DNAAF9: variants seen among roughly 807,000 people sequenced by gnomAD.
DNAAF9 encodes the protein dynein axonemal assembly factor 9.
In DNAAF9, 90 loss-of-function variants were observed where a neutral mutation model predicts 167.0. That is an observed-to-expected ratio of 0.54 (90% CI 0.45 to 0.64). DNAAF9 has a LOEUF of 0.64. Ranked by LOEUF, DNAAF9 falls within the 30% of genes least tolerant of loss-of-function variation. DNAAF9 has a pLI of 0.00. For missense variants in DNAAF9, 1,315 were observed against 1,442.2 expected (o/e 0.91, Z 1.43); for synonymous variants, 491 against 508.8 (o/e 0.96, Z 0.47).
chr20:3,347,592 G>A (rs2070219717), intron 8 of DNAAF9, among the ~76,000 whole-genome samples: 3 of 152,292 alleles, frequency 2.0e-5, no homozygotes, highest in Admixed American at 1.3e-4. Context: ...GTAATTGATT[G>A]TTTAAGGAAA....
In DNAAF9 at chr20:3,381,448, G is replaced by C; in HGVS notation, c.214C>G (p.Leu72Val). 1 of 1,613,332 alleles carries C rather than the reference G, an allele frequency of 6.2e-7. No individual in the cohort carries two copies. The change falls in exon 3 of 37, where the codon CTA (leucine) becomes GTA (valine). Residue 72 changes from leucine to valine, a missense_variant. Around this residue, in one of 2 missense-constraint regions of DNAAF9, gnomAD observed 981 missense variants for 1,012.5 expected, o/e 0.97. Transcript: ENST00000252032. ...GTATTCTGATTGTACAAACCAAATA[G>C]AAGATAATTTGCCAGCTCTCTGCAG... The part of the protein sequence containing the change: ...EGCRELANYL[L>V]FGLYNQNTSD...
intron 1 of DNAAF9, among the ~76,000 whole-genome samples, chr20:3,389,463 T>G (rs2083796087): frequency 6.6e-6 from 1 of 152,080 alleles, no homozygotes; most frequent in Admixed American, 6.6e-5. Flanking sequence ...TTTAAAAATT[T>G]TTTTAGAAGT....
At chr20:3,382,772 C>T (rs1016552640) in intron 1 of DNAAF9, among the ~76,000 whole-genome samples, 2 of 151,222 alleles carry the variant, frequency 1.3e-5, no homozygotes, top group African/African-American at 4.8e-5. Context: ...AGGATGAAGC[C>T]AAAGTCCCTC....
At position 3,407,647 on chromosome 20, in the gene DNAAF9, C is replaced by T; in HGVS notation, c.-90G>A. 1.8e-6 allele frequency: 2 copies of T among 1,083,562 alleles called. No individual in the cohort carries two copies. Among genetic ancestry groups the T allele is most frequent in the African/African-American group, 1.8e-5 (1 of 55,208 alleles). The allele number at this position is 1,083,562 out of a possible 1,614,324, so 67.1% of individuals were successfully genotyped here. ...CGGCTCCACGCTAGCTGCGGCCGGG[C>T]GGGGCGGCAGGGCGTGCCGGGTGGG... is the stretch of plus-strand genomic sequence containing the variant. On this transcript the variant is annotated 5_prime_UTR_variant, in exon 1 of 37. Coordinates refer to ENST00000252032, the MANE Select transcript of DNAAF9 (RefSeq NM_001009984.3).
rs1283319139 is a variant in DNAAF9 at position 3,395,249 on chromosome 20, G to A, written c.83+12226C>T. 1.4e-5 allele frequency among the ~76,000 whole-genome samples: 2 copies of A among 138,580 alleles called. 1 individual carries two copies. Among genetic ancestry groups the A allele is most frequent in the Non-Finnish European group, 3.1e-5 (2 of 63,804 alleles). 90.9% of individuals were successfully genotyped at this position (138,580 alleles called of 152,430 possible). On this transcript the variant is annotated intron_variant, in intron 1 of 36. Coordinates refer to ENST00000252032, the MANE Select transcript of DNAAF9 (RefSeq NM_001009984.3). ...GCCTCCCAAAGTGCTGGGATTACAG[G>A]CGTGAGCCACCGCGCCTGGCCGAAC...
intron 21 of DNAAF9, 102 bp downstream of exon 21, chr20:3,304,338 T>C: frequency 1.4e-6 from 1 of 716,470 alleles, no homozygotes; most frequent in Non-Finnish European, 2.5e-6. Flanking sequence ...CCTGACATAC[T>C]GCCCTGTGGT....
chr20:3,349,025 T>C (rs1315855022), intron 7 of DNAAF9, among the ~76,000 whole-genome samples: 1 of 151,698 alleles, frequency 6.6e-6, no homozygotes, highest in Non-Finnish European at 1.5e-5. Flanking sequence ...AATGGATGAA[T>C]ATTATGGTAC....
chr20:3,302,812 G>A (rs1355912520), intron 21 of DNAAF9, among the ~76,000 whole-genome samples: 2 of 151,924 alleles, frequency 1.3e-5, no homozygotes, highest in African/African-American at 2.4e-5. Context: ...AAGGGCATGA[G>A]AAAACATTTT....
Position 3,381,420 on chromosome 20 carries a change from CTG to C in DNAAF9, c.240_241del (p.Ser81Ter). 1 of 1,612,322 alleles carries C rather than the reference CTG, an allele frequency of 6.2e-7. No individual in the cohort carries two copies. The highest frequency in any genetic ancestry group is 8.5e-7 in the Non-Finnish European group (1 of 1,178,452). On this transcript the variant is annotated frameshift_variant, in exon 3 of 37. Transcript: ENST00000252032. LOFTEE classifies it high-confidence loss of function. ...AGAAAATCCCGTTTTCTCAAAATCA[CTG>C]GTATTCTGATTGTACAAACCAAATA... is the stretch of plus-strand genomic sequence containing the variant.
intron 6 of DNAAF9, among the ~76,000 whole-genome samples, chr20:3,373,330 T>C (rs922812162): frequency 2.0e-5 from 3 of 152,222 alleles, no homozygotes; most frequent in Non-Finnish European, 2.9e-5. Flanking sequence ...GTCCCTGGTT[T>C]CCTGTACTGG....
intron 20 of DNAAF9, among the ~76,000 whole-genome samples, chr20:3,308,468 A>C (rs965496282): frequency 2.0e-4 from 30 of 149,592 alleles, no homozygotes; most frequent in Non-Finnish European, 4.0e-4. Context: ...TCAGCCTCCC[A>C]AGTAGCTGGG....
At chr20:3,259,434 C>T (rs2068339486) in intron 33 of DNAAF9, 46 bp downstream of exon 33, 1 of 1,178,142 alleles carries the variant, frequency 8.5e-7, no homozygotes, top group Non-Finnish European at 1.3e-6. Context: ...TCATGAGATG[C>T]AAGCACTCCA....
chr20:3,282,158 A>G (rs1051707171), intron 27 of DNAAF9, among the ~76,000 whole-genome samples: 3 of 152,162 alleles, frequency 2.0e-5, no homozygotes, highest in African/African-American at 7.2e-5. Context: ...ACTTCTCAGA[A>G]CACACAGGCA....
intron 6 of DNAAF9, chr20:3,362,034 T>A: frequency 6.8e-7 from 1 of 1,468,724 alleles, no homozygotes; most frequent in Non-Finnish European, 9.5e-7. Flanking sequence ...CACCACTCCA[T>A]TAGAACTATT....
rs532026937 is a variant in DNAAF9, at chr20:3,249,447, G to A, written c.*3125C>T. The A allele has an allele frequency of 2.0e-5, 3 of 152,352 alleles. No individual in the cohort carries two copies. In the South Asian group the frequency reaches 6.2e-4, roughly 32 times the overall value. 9.4% of individuals were successfully genotyped at this position (152,352 alleles called of 1,614,324 possible). A position where few individuals can be genotyped will look rare whatever the true frequency, so the allele number is the denominator to read the frequency against. On this transcript the variant is annotated 3_prime_UTR_variant, in exon 37 of 37. Coordinates refer to ENST00000252032, the MANE Select transcript of DNAAF9 (RefSeq NM_001009984.3). ...TTTTATATATTTACTGAATTAAGTA[G>A]TGTAATAAATACTATGATAAGCAAA...
At chr20:3,253,217 G>A (rs2068223059) in intron 36 of DNAAF9, among the ~76,000 whole-genome samples, 1 of 152,212 alleles carries the variant, frequency 6.6e-6, no homozygotes, top group Non-Finnish European at 1.5e-5. Flanking sequence ...TGAGGTGGGA[G>A]GATCACCTGA....
At chr20:3,264,934 T>C (rs115046685) in intron 30 of DNAAF9, among the ~76,000 whole-genome samples, 2,271 of 152,236 alleles carry the variant, frequency 0.015, 63 homozygotes, top group African/African-American at 0.051. Context: ...AGCATTTTTG[T>C]TTTTTTCTGC....
At chr20:3,280,628 C>CT (rs2068749418) in intron 28 of DNAAF9, among the ~76,000 whole-genome samples, 1 of 151,150 alleles carries the variant, frequency 6.6e-6, no homozygotes, top group East Asian at 2.0e-4. Flanking sequence ...AAGTCAACTC[C>CT]TTTTTTTGAG....
intron 7 of DNAAF9, among the ~76,000 whole-genome samples, chr20:3,349,900 T>C (rs138064607): frequency 2.2e-4 from 34 of 152,260 alleles, no homozygotes; most frequent in South Asian, 6.2e-4. Flanking sequence ...GAAGGGTATG[T>C]ATGTTAGTCG....
Sources: gnomAD v4.1 joint callset for allele counts (sites outside exome capture counted in the v4.1 genomes callset) on GRCh38, gnomAD v4.1.1 for gene constraint, gnomAD v4.1.1 regional missense constraint, MANE v1.5 for transcripts, NCBI Gene and HGNC (gene_info 2026-07-23, HGNC 2026-07-21) for gene names.